PAK1: variants seen among roughly 807,000 people sequenced by gnomAD.
PAK1 encodes the protein serine/threonine-protein kinase PAK 1.
PAK1 carries 29 observed loss-of-function variants against 67.4 expected under a neutral mutation model. The observed-to-expected ratio is 0.43, with a 90% CI of 0.32 to 0.59. The LOEUF (loss-of-function observed/expected upper bound fraction) is 0.59, where lower values mean the gene tolerates loss of function less well. PAK1 is among the 20% of genes least tolerant of loss of function. The pLI is 0.07. For synonymous variants in PAK1, 223 were observed against 237.4 expected, an observed-to-expected ratio of 0.94 and a Z score of 0.56; for missense variants, 337 against 670.7, an observed-to-expected ratio of 0.50 and a Z score of 5.50.
chr11:77,484,956 G>C, the PAK1 span, among the ~76,000 whole-genome samples: 2 of 152,026 alleles, frequency 1.3e-5, no homozygotes, highest in Non-Finnish European at 2.9e-5. Flanking sequence ...ATGGTAGCAG[G>C]CAAAAAAAGA....
At chr11:77,342,994 C>T (rs951750376) in intron 10 of PAK1, among the ~76,000 whole-genome samples, 3 of 151,594 alleles carry the variant, frequency 2.0e-5, no homozygotes, top group South Asian at 4.2e-4. Flanking sequence ...TGTTTTATGG[C>T]TTACTACTCT....
chr11:77,386,845 C>T (rs1025740930), intron 2 of PAK1, among the ~76,000 whole-genome samples: 2 of 152,166 alleles, frequency 1.3e-5, no homozygotes, highest in African/African-American at 4.8e-5. Flanking sequence ...GTGATCTCAG[C>T]TCACTGCAAC....
chr11:77,380,073 T>A, intron 2 of PAK1, 79 bp from the exon 3 acceptor site: 1 of 1,044,366 alleles, frequency 9.6e-7, no homozygotes, highest in Non-Finnish European at 1.4e-6. Flanking sequence ...TTTATTGAGC[T>A]GTAGTCTCCT....
At chr11:77,495,119 G>A in the PAK1 span, among the ~76,000 whole-genome samples, 3 of 146,950 alleles carry the variant, frequency 2.0e-5, no homozygotes, top group East Asian at 2.1e-4. Flanking sequence ...CCAAGACCAC[G>A]CCATTGCACT....
At chr11:77,399,854 G>A (rs1357191522) in intron 1 of PAK1, among the ~76,000 whole-genome samples, 1 of 14,476 alleles carries the variant, frequency 6.9e-5, no homozygotes, top group African/African-American at 2.2e-4. Context: ...GCGAGACTCC[G>A]TCTCAAAAAA....
At chr11:77,494,083 A>T in the PAK1 span, among the ~76,000 whole-genome samples, 59 of 152,326 alleles carry the variant, frequency 3.9e-4, no homozygotes, top group East Asian at 6.6e-3. Context: ...TAATATTTTT[A>T]AAAACATGCA....
chr11:77,478,831 C>G (rs1227987056), upstream of PAK1, among the ~76,000 whole-genome samples: 1 of 151,052 alleles, frequency 6.6e-6, no homozygotes, highest in Non-Finnish European at 1.5e-5. Flanking sequence ...AATCCCAACA[C>G]TTTGGGAGGC....
chr11:77,371,231 A>AG (rs1313322633), intron 5 of PAK1, among the ~76,000 whole-genome samples: 2 of 152,206 alleles, frequency 1.3e-5, no homozygotes, highest in African/African-American at 4.8e-5. Context: ...TAGAGCTAAA[A>AG]GGGACTTTAA....
intron 1 of PAK1, among the ~76,000 whole-genome samples, chr11:77,398,060 A>G (rs1012711449): frequency 3.9e-5 from 6 of 152,240 alleles, no homozygotes; most frequent in Non-Finnish European, 1.5e-5. Context: ...CAAAATAATC[A>G]TATCATGGAG....
chr11:77,528,101 A>T, the PAK1 span, among the ~76,000 whole-genome samples: 4 of 151,850 alleles, frequency 2.6e-5, no homozygotes, highest in Non-Finnish European at 5.9e-5. Context: ...TCCTACAGTC[A>T]TGGGCCACCC....
At chr11:77,492,454 C>T in the PAK1 span, among the ~76,000 whole-genome samples, 14 of 150,536 alleles carry the variant, frequency 9.3e-5, no homozygotes, top group African/African-American at 3.4e-4. Context: ...TAATTAAATG[C>T]AATAGGAACC....
the PAK1 span, among the ~76,000 whole-genome samples, chr11:77,492,834 G>A: frequency 6.6e-6 from 1 of 152,128 alleles, no homozygotes; most frequent in South Asian, 2.1e-4. Flanking sequence ...TTGTTTAAAA[G>A]TGTATAGCAC....
At chr11:77,523,787 A>G in the PAK1 span, among the ~76,000 whole-genome samples, 1 of 152,184 alleles carries the variant, frequency 6.6e-6, no homozygotes, top group South Asian at 2.1e-4. Context: ...TCAAAATGAG[A>G]ATTTAAAAAA....
At chr11:77,446,980 C>A (rs1039260058) in intron 1 of PAK1, among the ~76,000 whole-genome samples, 1 of 151,742 alleles carries the variant, frequency 6.6e-6, no homozygotes, top group Non-Finnish European at 1.5e-5. Context: ...GATGTGTGGT[C>A]CCTGTACAAC....
intron 5 of PAK1, among the ~76,000 whole-genome samples, chr11:77,367,100 T>C (rs1205003549): frequency 1.3e-5 from 2 of 152,158 alleles, no homozygotes; most frequent in East Asian, 3.8e-4. Context: ...AGACTACATG[T>C]TGTATGAGTT....
the PAK1 span, among the ~76,000 whole-genome samples, chr11:77,526,610 T>C: frequency 4.6e-5 from 7 of 152,230 alleles, no homozygotes; most frequent in Non-Finnish European, 1.0e-4. Context: ...CTGTGTATAT[T>C]TATAGACATA....
chr11:77,341,084 G>C (rs1591763441), intron 10 of PAK1, among the ~76,000 whole-genome samples: 1 of 152,122 alleles, frequency 6.6e-6, no homozygotes, highest in East Asian at 1.9e-4. Flanking sequence ...AAATTAGAAA[G>C]ACTGACATGA....
chr11:77,521,818 G>GA, the PAK1 span, among the ~76,000 whole-genome samples: 1 of 152,198 alleles, frequency 6.6e-6, no homozygotes, highest in African/African-American at 2.4e-5. Context: ...CTCAGAACTA[G>GA]AATATTGATC....
chr11:77,408,421 G>GAAAAGA (rs1481003981), intron 1 of PAK1, among the ~76,000 whole-genome samples: 7 of 151,622 alleles, frequency 4.6e-5, no homozygotes, highest in African/African-American at 1.2e-4. Context: ...CCTGTCTCAA[G>GAAAAGA]AAAAGAAAAA....
Sources: gnomAD v4.1 joint callset for allele counts (sites outside exome capture counted in the v4.1 genomes callset) on GRCh38, gnomAD v4.1.1 for gene constraint, MANE v1.5 for transcripts, NCBI Gene and HGNC (gene_info 2026-07-23, HGNC 2026-07-21) for gene names.